Variants in STK39 observed in about 807,000 individuals in gnomAD.
STK39 encodes the protein STE20/SPS1-related proline-alanine-rich protein kinase.
A neutral mutation model predicts 77.8 loss-of-function variants in STK39; 20 were observed. That is an observed-to-expected ratio of 0.26 (90% CI 0.18 to 0.37). The LOEUF (loss-of-function observed/expected upper bound fraction) is 0.37. Among genes scored for constraint, STK39 ranks in the 10% least tolerant of loss-of-function variants. The pLI, the probability that STK39 is intolerant of heterozygous loss-of-function variation, is 1.00. For synonymous variants in STK39, 246 were observed against 234.1 expected (o/e 1.05, Z -0.47); for missense variants, 479 against 656.5 (o/e 0.73, Z 2.95).
intron 16 of STK39, among the ~76,000 whole-genome samples, chr2:168,010,307 G>A (rs1684239440): frequency 6.6e-6 from 1 of 152,120 alleles, no homozygotes; most frequent in South Asian, 2.1e-4. Context: ...ATTTCTTCTG[G>A]TAAACTAAGA....
chr2:168,151,696 G>A (rs3820872), intron 5 of STK39, among the ~76,000 whole-genome samples: 61,623 of 148,104 alleles, frequency 0.42, 14,351 homozygotes, highest in East Asian at 0.67. Flanking sequence ...CCGAGATCAC[G>A]CCACTGCACT....
chr2:168,153,358 T>C (rs1428737027), intron 5 of STK39, among the ~76,000 whole-genome samples: 3 of 152,198 alleles, frequency 2.0e-5, no homozygotes, highest in African/African-American at 7.2e-5. Context: ...TAAATACAGA[T>C]AAAAGCAAAA....
intron 14 of STK39, among the ~76,000 whole-genome samples, chr2:168,032,159 A>C (rs1386298543): frequency 2.0e-5 from 3 of 152,246 alleles, no homozygotes; most frequent in African/African-American, 7.2e-5. Context: ...TGAAGGATAT[A>C]TCCAAGGACA....
chr2:168,236,273 A>T (rs1431090447), intron 1 of STK39, among the ~76,000 whole-genome samples: 38 of 152,296 alleles, frequency 2.5e-4, no homozygotes, highest in Non-Finnish European at 4.9e-4. Flanking sequence ...GTGTCTGTTC[A>T]TATCCTTCGC....
intron 2 of STK39, among the ~76,000 whole-genome samples, chr2:168,173,254 A>G (rs2390639): frequency 0.26 from 39,372 of 152,036 alleles, 5,711 homozygotes; most frequent in East Asian, 0.56. Context: ...TACCCTCGAA[A>G]CATTTAAAGA....
intron 10 of STK39, among the ~76,000 whole-genome samples, chr2:168,102,536 C>T (rs976012336): frequency 6.6e-5 from 10 of 152,186 alleles, no homozygotes; most frequent in Non-Finnish European, 1.2e-4. Context: ...TTTCAATGCA[C>T]AACTACAAGG....
chr2:168,023,510 A>G (rs1308607770), intron 14 of STK39, among the ~76,000 whole-genome samples: 1 of 152,034 alleles, frequency 6.6e-6, no homozygotes, highest in Non-Finnish European at 1.5e-5. Context: ...TTTTATCTGC[A>G]CCTCTTAATG....
In STK39 at chr2:168,065,914, C is replaced by T. The variant is rs373740097; in HGVS notation, c.1243-533G>A. On this transcript the variant is annotated intron_variant, in intron 12 of 17. Transcript: ENST00000355999. The stretch of plus-strand genomic sequence containing the variant: ...TAATGCTAAAGTGATAGGTTATACT[C>T]CTCTCTCAAAGTTAGAAACCCAACT... 4.3e-4 allele frequency among the ~76,000 whole-genome samples: 65 copies of T among 152,174 alleles called. 1 individual carries two copies. The highest frequency in any genetic ancestry group is 1.5e-3 in the African/African-American group (61 of 41,514).
chr2:168,230,187 T>G (rs1270168993), intron 1 of STK39, among the ~76,000 whole-genome samples: 1 of 152,218 alleles, frequency 6.6e-6, no homozygotes, highest in Non-Finnish European at 1.5e-5. Flanking sequence ...CCCTCTGCCA[T>G]GGGATTTTAC....
intron 1 of STK39, among the ~76,000 whole-genome samples, chr2:168,188,826 C>T (rs1335197618): frequency 6.6e-6 from 1 of 152,220 alleles, no homozygotes; most frequent in Non-Finnish European, 1.5e-5. Context: ...AACGGTGAGA[C>T]ACACACAACT....
chr2:167,963,006 G>A (rs1052102671), intron 17 of STK39, among the ~76,000 whole-genome samples: 6 of 152,286 alleles, frequency 3.9e-5, no homozygotes, highest in South Asian at 4.1e-4. Context: ...AGCCTGTCCC[G>A]GGTGTGCGGT....
At chr2:168,106,639 G>A (rs1686981589) in intron 10 of STK39, among the ~76,000 whole-genome samples, 1 of 152,038 alleles carries the variant, frequency 6.6e-6, no homozygotes, top group Non-Finnish European at 1.5e-5. Flanking sequence ...GGGCAACATA[G>A]AGAAACCCCA....
chr2:168,232,834 C>A (rs1350973117), intron 1 of STK39, among the ~76,000 whole-genome samples: 1 of 152,024 alleles, frequency 6.6e-6, no homozygotes, highest in Non-Finnish European at 1.5e-5. Flanking sequence ...ATCACTTGAA[C>A]CCAGGAGGCG....
chr2:168,215,678 A>G (rs1326052196), intron 1 of STK39, among the ~76,000 whole-genome samples: 1 of 152,228 alleles, frequency 6.6e-6, no homozygotes, highest in African/African-American at 2.4e-5. Context: ...CAGTTGCCTC[A>G]AGGTGACACA....
In STK39 at chr2:167,955,279, G is replaced by A. The variant is rs200501855; in HGVS notation, c.*217C>T. The A allele has an allele frequency of 9.2e-5, 43 of 465,912 alleles. No homozygotes were observed. The highest frequency in any genetic ancestry group is 1.2e-3 in the Middle Eastern group (2 of 1,722). The allele number at this position is 465,912 out of a possible 1,614,324, so 28.9% of individuals were successfully genotyped here. On this transcript the variant is annotated 3_prime_UTR_variant, in exon 18 of 18. Coordinates refer to ENST00000355999, the MANE Select transcript of STK39 (RefSeq NM_013233.3). The stretch of plus-strand genomic sequence containing the variant: ...TGGCATTTGCTTGTTCTTGTACTGT[G>A]GATTGCTAGAGAATAAAGCAGAACT...
Position 168,075,091 on chromosome 2 carries a change from G to C in STK39, c.1212+18C>G. On this transcript the variant is annotated intron_variant, in intron 11 of 17. Coordinates refer to ENST00000355999, the MANE Select transcript of STK39 (RefSeq NM_013233.3). Reference sequence around the variant, plus strand: ...TAAAATTTACACAGATTAGCTCATCGTCAACGATGTCATTTACCTTTTCCT... The same window carrying C: ...TAAAATTTACACAGATTAGCTCATCCTCAACGATGTCATTTACCTTTTCCT... The C allele has an allele frequency of 6.2e-7, 1 of 1,614,078 alleles. No homozygotes were observed. The highest frequency in any genetic ancestry group is 8.5e-7 in the Non-Finnish European group (1 of 1,180,036).
chr2:167,959,669 A>G (rs1312870955), intron 17 of STK39, among the ~76,000 whole-genome samples: 4 of 152,184 alleles, frequency 2.6e-5, no homozygotes, highest in Non-Finnish European at 5.9e-5. Context: ...ATAGCACTGA[A>G]CACTCAAAAG....
At chr2:168,062,568 C>T (rs1685691057) in intron 14 of STK39, among the ~76,000 whole-genome samples, 1 of 152,036 alleles carries the variant, frequency 6.6e-6, no homozygotes, top group African/African-American at 2.4e-5. Context: ...ATTATGGTGC[C>T]AATGGTCTAC....
At chr2:168,183,929 A>G (rs1689144057) in intron 1 of STK39, among the ~76,000 whole-genome samples, 1 of 152,120 alleles carries the variant, frequency 6.6e-6, no homozygotes, top group African/African-American at 2.4e-5. Context: ...AGGGAGCCAC[A>G]GAGAAAGTGC....
Sources: gnomAD v4.1 joint callset for allele counts (sites outside exome capture counted in the v4.1 genomes callset) on GRCh38, gnomAD v4.1.1 for gene constraint, MANE v1.5 for transcripts, NCBI Gene and HGNC (gene_info 2026-07-23, HGNC 2026-07-21) for gene names.